VWC2: variants seen among roughly 807,000 people sequenced by gnomAD.
VWC2 encodes the protein brorin.
VWC2 carries 14 observed loss-of-function variants against 29.8 expected under a neutral mutation model. That is an observed-to-expected ratio of 0.47 (90% CI 0.31 to 0.74). The LOEUF is 0.74. Ranked by LOEUF, VWC2 falls within the 30% of genes least tolerant of loss-of-function variation. The pLI is 0.05. For synonymous variants in VWC2, 213 were observed against 199.0 expected (o/e 1.07, Z -0.59); for missense variants, 457 against 459.8 (o/e 0.99, Z 0.05).
chr7:49,911,516 G>A (rs930366971), intron 3 of VWC2, among the ~76,000 whole-genome samples: 1 of 148,306 alleles, frequency 6.7e-6, no homozygotes, highest in African/African-American at 2.5e-5. Context: ...AAATGGCATT[G>A]GTTTCATTTC....
At chr7:49,871,610 C>T (rs1791149246) in intron 3 of VWC2, among the ~76,000 whole-genome samples, 1 of 151,586 alleles carries the variant, frequency 6.6e-6, no homozygotes, top group Admixed American at 6.6e-5. Flanking sequence ...AAAACAAAAA[C>T]CTCTATGGTT....
At chr7:49,815,265 T>A (rs13245988) in intron 3 of VWC2, among the ~76,000 whole-genome samples, 12,020 of 152,134 alleles carry the variant, frequency 0.079, 628 homozygotes, top group South Asian at 0.13. Flanking sequence ...ATGATAAAAG[T>A]AGTGAGGGAG....
intron 3 of VWC2, among the ~76,000 whole-genome samples, chr7:49,849,673 T>A (rs75636738): frequency 0.07 from 10,608 of 152,276 alleles, 496 homozygotes; most frequent in Non-Finnish European, 0.1. Flanking sequence ...TGTTTCACCA[T>A]TTGGTAGTGC....
chr7:49,885,510 T>TCCAACA (rs1791863562), intron 3 of VWC2, among the ~76,000 whole-genome samples: 1 of 151,590 alleles, frequency 6.6e-6, no homozygotes. Context: ...GTAAAACTCG[T>TCCAACA]TATATAATTA....
chr7:49,888,008 T>C (rs1467652541), intron 3 of VWC2, among the ~76,000 whole-genome samples: 1 of 152,260 alleles, frequency 6.6e-6, no homozygotes, highest in Non-Finnish European at 1.5e-5. Flanking sequence ...CTTGGTATCA[T>C]GTATTTGTCC....
At chr7:49,866,623 A>T (rs1790904002) in intron 3 of VWC2, among the ~76,000 whole-genome samples, 1 of 152,220 alleles carries the variant, frequency 6.6e-6, no homozygotes, top group Admixed American at 6.5e-5. Context: ...GAAATGCAAC[A>T]TCCTGTCACA....
intron 3 of VWC2, among the ~76,000 whole-genome samples, chr7:49,875,020 C>T (rs1791337722): frequency 1.3e-5 from 2 of 151,562 alleles, no homozygotes; most frequent in African/African-American, 2.4e-5. Context: ...GCAGAAAGAA[C>T]TGGAAACAGT....
At chr7:49,863,918 GT>G (rs1157897866) in intron 3 of VWC2, among the ~76,000 whole-genome samples, 2 of 151,998 alleles carry the variant, frequency 1.3e-5, no homozygotes, top group Admixed American at 1.3e-4. Flanking sequence ...TTTTAGCATA[GT>G]TTTTTCTGTA....
At chr7:49,802,669 A>C (rs200867192) in intron 2 of VWC2, 42 bp from the exon 3 acceptor site, 109 of 1,612,738 alleles carry the variant, frequency 6.8e-5, no homozygotes, top group Middle Eastern at 1.6e-4. Context: ...TAGGATAAAC[A>C]TGACAGCAGG....
Position 49,912,022 on chromosome 7 carries a change from T to G in VWC2, c.827-12T>G, listed in dbSNP as rs753812021. ...GCACACATATAGTATAAAACATTTTTCTGCATTTCAGGTCCAAACTGCTTT... is the reference window on the plus strand; with the variant it reads ...GCACACATATAGTATAAAACATTTTGCTGCATTTCAGGTCCAAACTGCTTT... On this transcript the variant is annotated splice_polypyrimidine_tract_variant and intron_variant, in intron 3 of 3. Coordinates refer to ENST00000340652, the MANE Select transcript of VWC2 (RefSeq NM_198570.5). 1 of 1,610,762 alleles carries G rather than the reference T, an allele frequency of 6.2e-7. No homozygotes were observed. Among genetic ancestry groups the G allele is most frequent in the Admixed American group, 1.7e-5 (1 of 59,464 alleles).
intron 2 of VWC2, 121 bp from the exon 3 acceptor site, chr7:49,802,590 A>C: frequency 7.4e-7 from 1 of 1,351,658 alleles, no homozygotes; most frequent in Non-Finnish European, 1.0e-6. Context: ...GTGAGCCGAG[A>C]TCGCACCACT....
rs962934097 is a variant in VWC2, at chr7:49,919,844, A to G, written c.*7659A>G. 1 of 152,204 alleles carries G rather than the reference A, an allele frequency of 6.6e-6. No individual in the cohort carries two copies. Among genetic ancestry groups the G allele is most frequent in the African/African-American group, 2.4e-5 (1 of 41,456 alleles). 9.4% of individuals were successfully genotyped at this position (152,204 alleles called of 1,614,324 possible). On this transcript the variant is annotated 3_prime_UTR_variant, in exon 4 of 4. Coordinates refer to ENST00000340652, the MANE Select transcript of VWC2 (RefSeq NM_198570.5). ...TCAAGAAAAAGATTTTCATTTTAAG[A>G]TAGGCATCAGTGCAATAAAGGAGCT...
rs1255838655 is a variant in VWC2, at chr7:49,920,432, T to C, written c.*8247T>C. 1 of 152,196 alleles carries C rather than the reference T, an allele frequency of 6.6e-6. No homozygotes were observed. The highest frequency in any genetic ancestry group is 1.5e-5 in the Non-Finnish European group (1 of 68,026). The allele number at this position is 152,196 out of a possible 1,614,324, so 9.4% of individuals were successfully genotyped here. ...AATTTGCTGTGATAGGAAAGGTGGA[T>C]ATAAATATAAGCAAGGGTCTGATTA... On this transcript the variant is annotated 3_prime_UTR_variant, in exon 4 of 4. Transcript: ENST00000340652.
At position 49,775,527 on chromosome 7, in the gene VWC2, T is replaced by C; in HGVS notation, c.92T>C (p.Ile31Thr). 1 of 1,575,276 alleles carries C rather than the reference T, an allele frequency of 6.3e-7. No individual in the cohort carries two copies. Among genetic ancestry groups the C allele is most frequent in the Non-Finnish European group, 8.6e-7 (1 of 1,164,914 alleles). Residue 31 changes from isoleucine to threonine, a missense_variant, in exon 2 of 4, where the codon ATC (isoleucine) becomes ACC (threonine). Coordinates refer to ENST00000340652, the MANE Select transcript of VWC2 (RefSeq NM_198570.5). ...ATGGTGGCTCTGTGCAGTCCGAGCATCCCGCTGGAGAAGCTGGCCCAGGCA... is the reference window on the plus strand; with the variant it reads ...ATGGTGGCTCTGTGCAGTCCGAGCACCCCGCTGGAGAAGCTGGCCCAGGCA... ...CLMVALCSPSIPLEKLAQAPE... is the reference protein window; with the variant it reads ...CLMVALCSPSTPLEKLAQAPE...
chr7:49,876,033 C>A (rs1338957723), intron 3 of VWC2, among the ~76,000 whole-genome samples: 2 of 152,154 alleles, frequency 1.3e-5, no homozygotes, highest in East Asian at 3.9e-4. Context: ...TCTCAAAAAT[C>A]ACTTGACCTG....
intron 3 of VWC2, among the ~76,000 whole-genome samples, chr7:49,899,895 C>G (rs1473229248): frequency 6.6e-6 from 1 of 151,740 alleles, no homozygotes; most frequent in Admixed American, 6.6e-5. Flanking sequence ...GATATGGAAC[C>G]CTTACTAAGA....
intron 2 of VWC2, among the ~76,000 whole-genome samples, chr7:49,788,495 CAG>C (rs1283567580): frequency 1.8e-4 from 26 of 144,872 alleles, no homozygotes; most frequent in African/African-American, 5.2e-4. Flanking sequence ...GTGTGTAAGA[CAG>C]TGTGTATGAG....
At chr7:49,903,240 G>T (rs1583798102) in intron 3 of VWC2, among the ~76,000 whole-genome samples, 1 of 152,156 alleles carries the variant, frequency 6.6e-6, no homozygotes, top group African/African-American at 2.4e-5. Context: ...CAGCAATTGT[G>T]GTAGTTGTAT....
In VWC2 at chr7:49,815,272, GGA is replaced by G. The variant is rs552569735; in HGVS notation, c.826+12438_826+12439del. On this transcript the variant is annotated intron_variant, in intron 3 of 3. Coordinates refer to ENST00000340652, the MANE Select transcript of VWC2 (RefSeq NM_198570.5). The stretch of plus-strand genomic sequence containing the variant: ...CTTCAATTATGATAAAAGTAGTGAG[GGA>G]GAGAGGGGGAAGAAGTGAGTAATAC... 2.2e-4 allele frequency among the ~76,000 whole-genome samples: 33 copies of G among 152,226 alleles called. No individual in the cohort carries two copies. The East Asian group carries it at 2.9e-3, about 13-fold the overall frequency.
Sources: allele counts gnomAD v4.1 joint callset (sites outside exome capture counted in the v4.1 genomes callset), GRCh38; gene constraint gnomAD v4.1.1; transcripts MANE v1.5; gene names NCBI Gene and HGNC (gene_info 2026-07-23, HGNC 2026-07-21).